Variants in MXD3 observed in about 807,000 individuals in gnomAD.
The protein encoded by MXD3 is MAX dimerization protein 3, also known as Max-associated protein 3.
Under a neutral mutation model 27.5 loss-of-function variants are expected in MXD3, and 20 were observed. The observed-to-expected ratio is 0.73, with a 90% CI of 0.51 to 1.06. The LOEUF (loss-of-function observed/expected upper bound fraction) is 1.06. Ranked by LOEUF, MXD3 falls within the 50% of genes least tolerant of loss-of-function variation. The pLI, the probability that MXD3 is intolerant of heterozygous loss-of-function variation, is 0.00. For synonymous variants in MXD3, 150 were observed against 130.7 expected (o/e 1.15, Z -1.01); for missense variants, 298 against 291.3 (o/e 1.02, Z -0.17).
intron 4 of MXD3, among the ~76,000 whole-genome samples, chr5:177,308,836 G>A (rs965315621): frequency 1.3e-5 from 2 of 152,188 alleles, no homozygotes; most frequent in Non-Finnish European, 2.9e-5. Flanking sequence ...GAGCGTGAAG[G>A]CGTTAGCACC....
rs1452186805 is a variant in MXD3 at position 177,307,213 on chromosome 5, T to C, written c.*375A>G. 3.9e-6 allele frequency: 6 copies of C among 1,551,554 alleles called. No homozygotes were observed. Among genetic ancestry groups the C allele is most frequent in the East Asian group, 4.9e-5 (2 of 40,940 alleles). On this transcript the variant is annotated 3_prime_UTR_variant, in exon 6 of 6. Transcript: ENST00000439742. The stretch of plus-strand genomic sequence containing the variant: ...AGGCAAGACTATGGACGGGAAGTTA[T>C]GAAAGAGGCTTTTAATGAAAATACT...
intron 1 of MXD3, 122 bp downstream of exon 1, chr5:177,311,639 G>T: frequency 8.3e-7 from 1 of 1,206,702 alleles, no homozygotes; most frequent in Non-Finnish European, 1.1e-6. Flanking sequence ...CTCGAGTTGA[G>T]GGCGAGGCGC....
rs1239264350 is a variant in MXD3 at position 177,311,886 on chromosome 5, C to T, written c.-56G>A. The T allele has an allele frequency of 1.3e-6, 2 of 1,576,300 alleles. No individual in the cohort carries two copies. Among genetic ancestry groups the T allele is most frequent in the East Asian group, 2.3e-5 (1 of 43,458 alleles). On this transcript the variant is annotated 5_prime_UTR_variant, in exon 1 of 6. Coordinates refer to ENST00000439742, the MANE Select transcript of MXD3 (RefSeq NM_031300.4). The stretch of plus-strand genomic sequence containing the variant: ...GGGTGCCGGCCGGAGCAAGCGGCTG[C>T]AGCACTTTTGTTACAAAGTAACTGA...
chr5:177,310,348 C>G lies in MXD3; in HGVS notation c.321+78G>C, dbSNP rs1761004115. 6.0e-6 allele frequency: 7 copies of G among 1,169,778 alleles called. No individual in the cohort carries two copies. The South Asian group carries it at 8.7e-5, about 14-fold the overall frequency. 72.5% of individuals were successfully genotyped at this position (1,169,778 alleles called of 1,614,324 possible). ...GAGCTCTGACCTCAGGTCTCGTTCC[C>G]CAGTCCCACCAGCCCCTCCATAGCA... is the stretch of plus-strand genomic sequence containing the variant. On this transcript the variant is annotated intron_variant, in intron 4 of 5. Transcript: ENST00000439742.
intron 4 of MXD3, among the ~76,000 whole-genome samples, chr5:177,308,385 T>G (rs549273227): frequency 1.3e-4 from 20 of 152,060 alleles, no homozygotes; most frequent in African/African-American, 2.4e-4. Context: ...TTTGTTTTTT[T>G]TTTTTGAAAC....
chr5:177,307,120 C>T (rs1469352590), downstream of MXD3: 14 of 1,512,382 alleles, frequency 9.3e-6, no homozygotes, highest in African/African-American at 2.8e-5. Flanking sequence ...CCAACAGTGT[C>T]AGTGATGGGA....
chr5:177,307,005 T>C (rs1760895876), downstream of MXD3: 1 of 1,425,824 alleles, frequency 7.0e-7, no homozygotes, highest in South Asian at 1.6e-5. Context: ...CTTCACTGTT[T>C]TTGGACCTCA....
intron 1 of MXD3, 59 bp from the exon 2 acceptor site, chr5:177,311,543 C>T: frequency 2.3e-6 from 3 of 1,316,660 alleles, no homozygotes; most frequent in Non-Finnish European, 3.0e-6. Context: ...CCAGCGGCAG[C>T]CCCAGGCACA....
At chr5:177,311,666 T>C in intron 1 of MXD3, 95 bp downstream of exon 1, 4 of 1,357,796 alleles carry the variant, frequency 2.9e-6, no homozygotes, top group Middle Eastern at 1.8e-4. Context: ...ATTACTGTCC[T>C]AGGGCGGTGC....
At chr5:177,310,272 T>C (rs1165913380) in intron 4 of MXD3, among the ~76,000 whole-genome samples, 154 bp downstream of exon 4, 2 of 152,256 alleles carry the variant, frequency 1.3e-5, no homozygotes, top group African/African-American at 4.8e-5. Flanking sequence ...TCCCATTTAA[T>C]GGATCTGGAA....
downstream of MXD3, chr5:177,306,463 G>T: frequency 1.9e-6 from 3 of 1,614,064 alleles, no homozygotes; most frequent in East Asian, 6.7e-5. Flanking sequence ...AGCCAAGGAA[G>T]CCAAGGAGAA....
Position 177,307,671 on chromosome 5 carries a change from A to AC in MXD3, c.537dup (p.Phe180ValfsTer4), listed in dbSNP as rs772585079. 7 of 1,613,436 alleles carry AC rather than the reference A, an allele frequency of 4.3e-6. No homozygotes were observed. The African/African-American group carries it at 9.3e-5, about 22-fold the overall frequency. ...CGCAGCAGCTCGGCCTCACCCCCAA[A>AC]CACCAGGCTCTCCACATCCACCTCC... On this transcript the variant is annotated frameshift_variant, in exon 6 of 6. Coordinates refer to ENST00000439742, the MANE Select transcript of MXD3 (RefSeq NM_031300.4). LOFTEE classifies it high-confidence loss of function.
At chr5:177,312,490 G>A (rs1261838874), upstream of MXD3, 2 of 985,346 alleles carry the variant, frequency 2.0e-6, no homozygotes, top group African/African-American at 3.5e-5. Context: ...GATGGGGCGG[G>A]GTTGAGAGGG....
chr5:177,307,287 G>A lies in MXD3; in HGVS notation c.*301C>T, dbSNP rs1260842296. On this transcript the variant is annotated 3_prime_UTR_variant, in exon 6 of 6. Coordinates refer to ENST00000439742, the MANE Select transcript of MXD3 (RefSeq NM_031300.4). ...CAGGGGGCCTTGTCCAGGAAGGGAA[G>A]AGGCCCAAGAGGCTTCCTGTCCCCT... is the stretch of plus-strand genomic sequence containing the variant. The A allele has an allele frequency of 6.5e-7, 1 of 1,550,210 alleles. No individual in the cohort carries two copies. The highest frequency in any genetic ancestry group is 1.4e-5 in the African/African-American group (1 of 72,992).
rs940305481 is a variant in MXD3 at position 177,307,697 on chromosome 5, A to G, written c.512T>C (p.Leu171Pro). The G allele has an allele frequency of 3.4e-5, 55 of 1,613,592 alleles. No individual in the cohort carries two copies. Among genetic ancestry groups the G allele is most frequent in the Non-Finnish European group, 4.5e-5 (53 of 1,179,936 alleles). Reference protein sequence around the residue: ...SERSDSDQEELEVDVESLVFG... With the variant: ...SERSDSDQEEPEVDVESLVFG... ...CACCAGGCTCTCCACATCCACCTCC[A>G]GCTCCTCTGCGCGGGGAGGGGTCCG... Residue 171 changes from leucine to proline, a missense_variant, in exon 6 of 6, where the codon CTG becomes CCG. Transcript: ENST00000439742.
At position 177,310,711 on chromosome 5, in the gene MXD3, A is replaced by G. The variant is rs1761014357; in HGVS notation, c.177-14T>C. ...TTGTGCACTGACCTGCCAATGCCAG[A>G]GAGGATGAGGTGAAGGGGAATCAGC... On this transcript the variant is annotated splice_polypyrimidine_tract_variant and intron_variant, in intron 2 of 5. Coordinates refer to ENST00000439742, the MANE Select transcript of MXD3 (RefSeq NM_031300.4). 1 of 1,614,034 alleles carries G rather than the reference A, an allele frequency of 6.2e-7. No homozygotes were observed.
At chr5:177,306,471 G>A (rs775781630), downstream of MXD3, 3 of 1,614,026 alleles carry the variant, frequency 1.9e-6, no homozygotes, top group Admixed American at 3.3e-5. Flanking sequence ...AAGCCAAGGA[G>A]AAGGCAAAGG....
In MXD3 at chr5:177,307,426, C is replaced by A; in HGVS notation, c.*162G>T. ...CCCTTCCAGAGGGCCTGCCTGGCAG[C>A]CAGCAGCAGGGTGTTTGGGGAGCAC... On this transcript the variant is annotated 3_prime_UTR_variant, in exon 6 of 6. Coordinates refer to ENST00000439742, the MANE Select transcript of MXD3 (RefSeq NM_031300.4). The A allele has an allele frequency of 6.6e-7, 1 of 1,504,546 alleles. No homozygotes were observed. Among genetic ancestry groups the A allele is most frequent in the Non-Finnish European group, 9.0e-7 (1 of 1,114,274 alleles). 93.2% of individuals were successfully genotyped at this position (1,504,546 alleles called of 1,614,324 possible).
At chr5:177,308,769 G>C (rs1760963939) in intron 4 of MXD3, among the ~76,000 whole-genome samples, 1 of 152,186 alleles carries the variant, frequency 6.6e-6, no homozygotes, top group African/African-American at 2.4e-5. Flanking sequence ...TAGAAAACTA[G>C]AGAACAAACA....
Sources: gnomAD v4.1 joint callset for allele counts (sites outside exome capture counted in the v4.1 genomes callset) on GRCh38, gnomAD v4.1.1 for gene constraint, MANE v1.5 for transcripts, NCBI Gene and HGNC (gene_info 2026-07-23, HGNC 2026-07-21) for gene names.